Variants in CA5A observed in about 807,000 individuals in gnomAD.
CA5A encodes carbonic anhydrase 5A.
A neutral mutation model predicts 37.1 loss-of-function variants in CA5A; 28 were observed. That is an observed-to-expected ratio of 0.75 (90% CI 0.56 to 1.03). CA5A has a LOEUF of 1.03. CA5A is among the 50% of genes least tolerant of loss of function. The pLI is 0.00. For missense variants in CA5A, 444 were observed against 399.9 expected (o/e 1.11, Z -0.94); for synonymous variants, 171 against 158.4 (o/e 1.08, Z -0.60).
intron 2 of CA5A, among the ~76,000 whole-genome samples, chr16:87,915,525 A>ATTTTTTTTTTTTT (rs1162468866): frequency 9.3e-6 from 1 of 107,128 alleles, no homozygotes; most frequent in Non-Finnish European, 1.9e-5. Flanking sequence ...CCTGTGTCAA[A>ATTTTTTTTTTTTT]ATTTTTTTTT....
intron 1 of CA5A, among the ~76,000 whole-genome samples, chr16:87,935,223 C>G (rs1441932859): frequency 2.0e-5 from 3 of 152,328 alleles, no homozygotes; most frequent in Non-Finnish European, 4.4e-5. Flanking sequence ...AACTTGGCAG[C>G]TGCCAAAGCA....
chr16:87,919,532 GGGAAAGCAGAGTCTGGGGGAGCACTCACA>G (rs1217807898), intron 2 of CA5A, among the ~76,000 whole-genome samples: 71 of 152,230 alleles, frequency 4.7e-4, no homozygotes, highest in African/African-American at 7.5e-4. Context: ...GTGTCCCCTG[GGGAAAGCAGAGTCTGGGGGAGCACTCACA>G]GGAAAGCAGA....
rs538945604 is a variant in CA5A at position 87,894,687 on chromosome 16, T to C, written c.619-2733A>G. ...TGAAGTCAGGAGTTCAAGACCAGCC[T>C]GACCAACATGGCGAAACCCCATCTC... On this transcript the variant is annotated intron_variant, in intron 5 of 6. Coordinates refer to ENST00000649794, the MANE Select transcript of CA5A (RefSeq NM_001739.2). Among the ~76,000 whole-genome samples, 4 of 152,042 alleles carry C rather than the reference T, an allele frequency of 2.6e-5. No homozygotes were observed. In the East Asian group the frequency reaches 7.7e-4, roughly 29 times the overall value.
intron 2 of CA5A, among the ~76,000 whole-genome samples, chr16:87,907,217 CA>C (rs151147909): frequency 0.021 from 3,258 of 151,690 alleles, 123 homozygotes; most frequent in African/African-American, 0.075. Flanking sequence ...GACTCTGTCT[CA>C]AAAACAAAAC....
chr16:87,915,551 T>TC (rs2056126335), intron 2 of CA5A, among the ~76,000 whole-genome samples: 1 of 140,206 alleles, frequency 7.1e-6, no homozygotes, highest in South Asian at 2.3e-4. Flanking sequence ...TTTTTTTTTT[T>TC]TGTGGCTCAC....
intron 2 of CA5A, among the ~76,000 whole-genome samples, chr16:87,913,969 G>A (rs1361790318): frequency 6.6e-6 from 1 of 152,220 alleles, no homozygotes; most frequent in Non-Finnish European, 1.5e-5. Flanking sequence ...GGGGAGCGGC[G>A]GCAGCGCGTT....
chr16:87,936,190 A>AAG, intron 1 of CA5A, 119 bp downstream of exon 1: 1 of 651,050 alleles, frequency 1.5e-6, no homozygotes, highest in African/African-American at 1.9e-5. Context: ...AAAAAAAAAA[A>AAG]CGGAGTGGAA....
At chr16:87,931,901 G>C (rs948123063) in intron 1 of CA5A, among the ~76,000 whole-genome samples, 1 of 151,070 alleles carries the variant, frequency 6.6e-6, no homozygotes, top group Non-Finnish European at 1.5e-5. Flanking sequence ...CTTTAATTCA[G>C]AACGACACCA....
At chr16:87,884,246 T>G (rs1405689948), downstream of CA5A, 1 of 112,170 alleles carries the variant, frequency 8.9e-6, no homozygotes, top group African/African-American at 3.7e-5. Flanking sequence ...TGAAACCGAA[T>G]CTCTACTAAA....
chr16:87,933,040 C>T (rs753923855), intron 1 of CA5A, among the ~76,000 whole-genome samples: 9 of 152,358 alleles, frequency 5.9e-5, no homozygotes, highest in East Asian at 3.9e-4. Flanking sequence ...ATGAGAGATG[C>T]AGTGAGCAGG....
At chr16:87,901,122 T>C (rs1376563780) in intron 5 of CA5A, among the ~76,000 whole-genome samples, 2 of 152,024 alleles carry the variant, frequency 1.3e-5, no homozygotes, top group African/African-American at 4.8e-5. Context: ...CCCAGCCGCA[T>C]GGGAGGCTGA....
At chr16:87,905,777 T>C (rs2055952338) in intron 2 of CA5A, among the ~76,000 whole-genome samples, 1 of 152,262 alleles carries the variant, frequency 6.6e-6, no homozygotes, top group Non-Finnish European at 1.5e-5. Context: ...CCTTCCTTCC[T>C]AAGTCACCCT....
At chr16:87,924,096 G>A (rs1455929952) in intron 2 of CA5A, 3 of 985,426 alleles carry the variant, frequency 3.0e-6, no homozygotes, top group Non-Finnish European at 3.6e-6. Context: ...CTGCTCCCTG[G>A]TCCCCGAAGC....
At chr16:87,927,308 A>G (rs1401297465) in intron 1 of CA5A, among the ~76,000 whole-genome samples, 2 of 151,834 alleles carry the variant, frequency 1.3e-5, no homozygotes, top group Non-Finnish European at 2.9e-5. Flanking sequence ...CGCTGTGGGG[A>G]AGGCAGGCTG....
chr16:87,935,603 C>G (rs146989120), intron 1 of CA5A, among the ~76,000 whole-genome samples: 2 of 152,164 alleles, frequency 1.3e-5, no homozygotes, highest in Non-Finnish European at 2.9e-5. Flanking sequence ...TGGCCAGGCG[C>G]GGTGGCTCAC....
intron 2 of CA5A, among the ~76,000 whole-genome samples, chr16:87,915,525 A>ATTTTTT (rs1162468866): frequency 5.6e-5 from 6 of 107,182 alleles, no homozygotes; most frequent in African/African-American, 1.7e-4. Context: ...CCTGTGTCAA[A>ATTTTTT]ATTTTTTTTT....
intron 2 of CA5A, among the ~76,000 whole-genome samples, chr16:87,908,911 G>A (rs1200436380): frequency 2.0e-5 from 3 of 151,992 alleles, no homozygotes; most frequent in Non-Finnish European, 4.4e-5. Flanking sequence ...CACCTCCCGG[G>A]TTCAAGAGAT....
At chr16:87,893,147 T>C (rs2055749468) in intron 5 of CA5A, 1 of 397,070 alleles carries the variant, frequency 2.5e-6, no homozygotes, top group East Asian at 4.6e-5. Flanking sequence ...TCTTTCTTTC[T>C]TTTTTTTTTC....
chr16:87,905,096 C>G (rs946575802), intron 2 of CA5A, among the ~76,000 whole-genome samples, 192 bp from the exon 3 acceptor site: 2 of 151,958 alleles, frequency 1.3e-5, no homozygotes, highest in Admixed American at 6.6e-5. Context: ...TGCCCCCCCC[C>G]AGCCCAGCGC....
Sources: allele counts gnomAD v4.1 joint callset (sites outside exome capture counted in the v4.1 genomes callset), GRCh38; gene constraint gnomAD v4.1.1; transcripts MANE v1.5; gene names NCBI Gene and HGNC (gene_info 2026-07-23, HGNC 2026-07-21).